SGK3: variants seen among roughly 807,000 people sequenced by gnomAD.
The protein encoded by SGK3 is serine/threonine-protein kinase Sgk3.
SGK3 carries 47 observed loss-of-function variants against 68.5 expected under a neutral mutation model. The observed-to-expected ratio is 0.69, with a 90% CI of 0.54 to 0.87. The LOEUF is 0.87. Ranked by LOEUF, SGK3 falls within the 40% of genes least tolerant of loss-of-function variation. The pLI is 0.00. For missense variants in SGK3, 479 were observed against 575.5 expected (o/e 0.83, Z 1.72); for synonymous variants, 181 against 189.1 (o/e 0.96, Z 0.35).
chr8:66,749,569 G>A (rs1805752015), intron 1 of SGK3, among the ~76,000 whole-genome samples: 1 of 152,054 alleles, frequency 6.6e-6, no homozygotes, highest in Non-Finnish European at 1.5e-5. Flanking sequence ...CTTAATTTCT[G>A]AATTTCATAT....
chr8:66,738,431 C>A (rs904666585), intron 1 of SGK3, among the ~76,000 whole-genome samples: 2 of 152,184 alleles, frequency 1.3e-5, no homozygotes, highest in Admixed American at 1.3e-4. Context: ...TCATTTCCTG[C>A]AAGATCAAGT....
intron 16 of SGK3, among the ~76,000 whole-genome samples, chr8:66,855,445 C>T (rs183624244): frequency 3.3e-5 from 5 of 152,146 alleles, no homozygotes; most frequent in East Asian, 3.9e-4. Context: ...TTAGGCAATC[C>T]GCCTATCTGG....
chr8:66,806,102 G>A (rs796889825), intron 4 of SGK3, among the ~76,000 whole-genome samples: 9 of 152,134 alleles, frequency 5.9e-5, no homozygotes, highest in African/African-American at 2.2e-4. Flanking sequence ...TCAACTGGAG[G>A]CTTATTATTC....
chr8:66,850,281 T>C (rs1309863477), intron 15 of SGK3, among the ~76,000 whole-genome samples: 1 of 152,224 alleles, frequency 6.6e-6, no homozygotes, highest in African/African-American at 2.4e-5. Flanking sequence ...GATCCTACTT[T>C]ATACACTCCT....
chr8:66,828,553 A>C, intron 6 of SGK3, 101 bp from the exon 7 acceptor site: 1 of 1,556,204 alleles, frequency 6.4e-7, no homozygotes, highest in Non-Finnish European at 8.8e-7. Flanking sequence ...ATGGCAACAA[A>C]CCAAATATTT....
chr8:66,819,816 T>G (rs188671004), intron 5 of SGK3, among the ~76,000 whole-genome samples: 2,575 of 151,644 alleles, frequency 0.017, 83 homozygotes, highest in African/African-American at 0.024. Flanking sequence ...TTGTTTTTTG[T>G]TTTTTGGTTT....
At chr8:66,858,149 C>T (rs1480097781) in intron 16 of SGK3, among the ~76,000 whole-genome samples, 1 of 152,112 alleles carries the variant, frequency 6.6e-6, no homozygotes, top group African/African-American at 2.4e-5. Flanking sequence ...ACCAGATGGA[C>T]AGGCGTTTTA....
At chr8:66,771,798 C>T (rs1439831535) in intron 1 of SGK3, among the ~76,000 whole-genome samples, 1 of 151,892 alleles carries the variant, frequency 6.6e-6, no homozygotes, top group East Asian at 1.9e-4. Context: ...ATGGGTATAC[C>T]ACTTGTTTGG....
At chr8:66,750,543 C>T (rs953585005) in intron 1 of SGK3, among the ~76,000 whole-genome samples, 4 of 151,944 alleles carry the variant, frequency 2.6e-5, no homozygotes, top group Admixed American at 6.6e-5. Context: ...AATGTGATAG[C>T]CAGGCATGGT....
At chr8:66,720,328 T>A (rs1370437657) in intron 1 of SGK3, among the ~76,000 whole-genome samples, 2 of 152,202 alleles carry the variant, frequency 1.3e-5, no homozygotes, top group Admixed American at 6.6e-5. Flanking sequence ...GTGGCTGTTC[T>A]AAATTTCAGT....
At chr8:66,834,894 C>T (rs1251498042) in intron 8 of SGK3, among the ~76,000 whole-genome samples, 18 of 148,614 alleles carry the variant, frequency 1.2e-4, no homozygotes, top group Non-Finnish European at 2.2e-4. Flanking sequence ...GAGCCGAGAT[C>T]GCGCCACTGC....
intron 6 of SGK3, among the ~76,000 whole-genome samples, chr8:66,826,059 C>G (rs767211193): frequency 1.3e-5 from 2 of 151,840 alleles, no homozygotes; most frequent in Non-Finnish European, 2.9e-5. Context: ...TGCAACCTCC[C>G]CCTCCTGGTT....
At chr8:66,827,421 A>C (rs1809109770) in intron 6 of SGK3, among the ~76,000 whole-genome samples, 1 of 148,924 alleles carries the variant, frequency 6.7e-6, no homozygotes, top group South Asian at 2.1e-4. Context: ...ATTGGTTCTG[A>C]TTAGAGAAGT....
chr8:66,834,068 G>A (rs139746983), intron 8 of SGK3, among the ~76,000 whole-genome samples: 1 of 152,240 alleles, frequency 6.6e-6, no homozygotes, highest in Non-Finnish European at 1.5e-5. Flanking sequence ...ATGACACATT[G>A]GTTCTACTCC....
At chr8:66,723,128 TATA>T (rs1331810219) in intron 1 of SGK3, among the ~76,000 whole-genome samples, 28 of 59,738 alleles carry the variant, frequency 4.7e-4, no homozygotes, top group Middle Eastern at 7.0e-3. Flanking sequence ...TATATATATA[TATA>T]TTTTTTTTTT....
At chr8:66,808,627 C>G (rs1229849107) in intron 4 of SGK3, among the ~76,000 whole-genome samples, 3 of 148,548 alleles carry the variant, frequency 2.0e-5, no homozygotes, top group African/African-American at 5.0e-5. Context: ...GATTCTCCTG[C>G]CTCAACCTCA....
intron 10 of SGK3, among the ~76,000 whole-genome samples, chr8:66,836,635 TA>T (rs113257283): frequency 0.029 from 3,994 of 137,454 alleles, 105 homozygotes; most frequent in African/African-American, 0.076. Context: ...CCCATCTCTT[TA>T]AAAAAAAAAA....
At chr8:66,850,404 AC>A (rs1039747240) in intron 15 of SGK3, among the ~76,000 whole-genome samples, 1 of 151,936 alleles carries the variant, frequency 6.6e-6, no homozygotes, top group Admixed American at 6.6e-5. Flanking sequence ...TTTTATTTCT[AC>A]TCCACTGTAT....
chr8:66,798,620 A>G lies in SGK3; in HGVS notation c.175A>G (p.Asn59Asp), dbSNP rs1807798954. The G allele has an allele frequency of 1.9e-6, 3 of 1,605,034 alleles. No individual in the cohort carries two copies. Among genetic ancestry groups the G allele is most frequent in the South Asian group, 2.3e-5 (2 of 88,874 alleles). Residue 59 changes from asparagine (N) to aspartate (D), a missense_variant, in exon 3 of 17, where the codon AAC (asparagine) becomes GAC (aspartate). Physicochemically the swap from Asn to Asp is conservative, Grantham distance 23. This residue lies in a region of SGK3 where 298 missense variants were observed against 329.4 expected (regional missense o/e 0.90). Transcript: ENST00000521198. Reference protein sequence around the residue: ...RRYAEFDKLYNTLKKQFPAMA... With the variant: ...RRYAEFDKLYDTLKKQFPAMA... Reference sequence around the variant, plus strand: ...ATATGCAGAGTTTGATAAACTTTATAACACTGTAAGTAATCGTCTACAAGA... The same window carrying G: ...ATATGCAGAGTTTGATAAACTTTATGACACTGTAAGTAATCGTCTACAAGA...
Sources: gnomAD v4.1 joint callset for allele counts (sites outside exome capture counted in the v4.1 genomes callset) on GRCh38, gnomAD v4.1.1 for gene constraint, gnomAD v4.1.1 regional missense constraint, MANE v1.5 for transcripts, NCBI Gene and HGNC (gene_info 2026-07-23, HGNC 2026-07-21) for gene names.